The following WDR3 variants were observed in gnomAD, a reference collection of about 807,000 sequenced individuals.
WDR3 encodes the protein WD repeat-containing protein 3.
A neutral mutation model predicts 123.7 loss-of-function variants in WDR3; 81 were observed. The ratio of observed to expected loss-of-function variants is 0.65; its 90% CI spans 0.55 to 0.79. The LOEUF (loss-of-function observed/expected upper bound fraction) is 0.79, where lower values mean the gene tolerates loss of function less well. Among genes scored for constraint, WDR3 ranks in the 30% least tolerant of loss-of-function variants. WDR3 has a pLI of 0.00. For missense variants in WDR3, 1,027 were observed against 1,123.2 expected, an observed-to-expected ratio of 0.91 and a Z score of 1.22; for synonymous variants, 390 against 388.8, an observed-to-expected ratio of 1.00 and a Z score of -0.04.
intron 11 of WDR3, among the ~76,000 whole-genome samples, chr1:117,945,109 A>G (rs1045303790): frequency 1.3e-5 from 2 of 152,052 alleles, no homozygotes; most frequent in African/African-American, 4.8e-5. Flanking sequence ...CCACTACCCC[A>G]TTCAAACCAC....
At chr1:117,931,526 G>A (rs1007775699) in intron 1 of WDR3, among the ~76,000 whole-genome samples, 5 of 152,198 alleles carry the variant, frequency 3.3e-5, no homozygotes, top group Non-Finnish European at 5.9e-5. Context: ...CATGTTAAAT[G>A]TGAAACTATA....
At chr1:117,937,028 A>G (rs1441160873) in intron 4 of WDR3, 141 bp downstream of exon 4, 3 of 621,498 alleles carry the variant, frequency 4.8e-6, no homozygotes, top group Non-Finnish European at 8.4e-6. Flanking sequence ...CCTTCTTTCC[A>G]TTTCTTCTAA....
intron 21 of WDR3, 25 bp from the exon 22 acceptor site, chr1:117,953,982 T>G: frequency 6.3e-7 from 1 of 1,591,008 alleles, no homozygotes. Context: ...TTGTGATGAC[T>G]TCTTTCCTTT....
chr1:117,940,325 T>C (rs186272499), intron 6 of WDR3, among the ~76,000 whole-genome samples: 7 of 152,304 alleles, frequency 4.6e-5, no homozygotes, highest in Admixed American at 3.9e-4. Flanking sequence ...CAGTTTTTAA[T>C]AAGTTCTGAT....
In WDR3 at chr1:117,964,174, G is replaced by A; in HGVS notation, c.*4727G>A. ...TACATTTCTCTCCTAACTGTGACTG[G>A]CTTTCTATAAGGAGCCATCAGTATG... On this transcript the variant is annotated 3_prime_UTR_variant, in exon 27 of 27. Transcript: ENST00000349139. 2.9e-6 allele frequency: 1 copy of A among 349,430 alleles called. No individual in the cohort carries two copies. Among genetic ancestry groups the A allele is most frequent in the Non-Finnish European group, 5.3e-6 (1 of 190,008 alleles). 21.6% of individuals were successfully genotyped at this position (349,430 alleles called of 1,614,324 possible).
rs1651550812 is a variant in WDR3 at position 117,950,022 on chromosome 1, GCAACTAGA to G, written c.1639_1646del (p.Gln547Ter). 1 of 1,613,762 alleles carries G rather than the reference GCAACTAGA, an allele frequency of 6.2e-7. No homozygotes were observed. Among genetic ancestry groups the G allele is most frequent in the Non-Finnish European group, 8.5e-7 (1 of 1,179,896 alleles). On this transcript the variant is annotated frameshift_variant, in exon 15 of 27. Transcript: ENST00000349139. LOFTEE classifies it high-confidence loss of function. ...TTTCTGTGAAGCAAACCCGAACTTT[GCAACTAGA>G]TGAAGATGTTCTGTGTGTCAGTTAC...
rs1280060983 is a variant in WDR3, at chr1:117,950,061, C to G, written c.1677C>G (p.Pro559=). 6.2e-7 allele frequency: 1 copy of G among 1,613,784 alleles called. No homozygotes were observed. Among genetic ancestry groups the G allele is most frequent in the Non-Finnish European group, 8.5e-7 (1 of 1,179,928 alleles). The change falls in exon 15 of 27, where the codon CCC becomes CCG. Residue 559 remains proline (P), a synonymous_variant. Coordinates refer to ENST00000349139, the MANE Select transcript of WDR3 (RefSeq NM_006784.3). ...DEDVLCVSYS[P]NQKLLAVSLL... is the part of the protein sequence containing the mutation. Reference sequence around the variant, plus strand: ...ATGTTCTGTGTGTCAGTTACTCTCCCAATCAAAAGCTATTGGCTGTGTCTT... The same window carrying G: ...ATGTTCTGTGTGTCAGTTACTCTCCGAATCAAAAGCTATTGGCTGTGTCTT...
At chr1:117,957,971 CTTAT>C (rs888736470) in intron 25 of WDR3, among the ~76,000 whole-genome samples, 1 of 152,204 alleles carries the variant, frequency 6.6e-6, no homozygotes, top group Non-Finnish European at 1.5e-5. Context: ...TATATTCTTA[CTTAT>C]GAAGATTCTG....
chr1:117,942,069 G>T (rs1186071891), intron 9 of WDR3, among the ~76,000 whole-genome samples: 1 of 152,160 alleles, frequency 6.6e-6, no homozygotes, highest in Non-Finnish European at 1.5e-5. Context: ...ATTTAACATG[G>T]TTGGATTGTT....
At chr1:117,935,753 C>A (rs959470218) in intron 3 of WDR3, among the ~76,000 whole-genome samples, 2 of 151,734 alleles carry the variant, frequency 1.3e-5, no homozygotes, top group African/African-American at 2.4e-5. Context: ...TAGAAAAGGA[C>A]TTTATTAGCA....
chr1:117,933,757 A>G (rs1280880631), intron 2 of WDR3: 2 of 444,262 alleles, frequency 4.5e-6, no homozygotes, highest in East Asian at 4.9e-5. Context: ...ATTTGCAGTA[A>G]TTATTTATTC....
At chr1:117,957,961 T>C (rs1365502246) in intron 25 of WDR3, among the ~76,000 whole-genome samples, 2 of 152,252 alleles carry the variant, frequency 1.3e-5, no homozygotes, top group Admixed American at 6.5e-5. Context: ...TTCATTAGGC[T>C]ATATTCTTAC....
Position 117,952,512 on chromosome 1 carries a change from T to A in WDR3, c.2017-16T>A, listed in dbSNP as rs1651664004. Reference sequence around the variant, plus strand: ...TCAATGAATGAGGTATTCTTTATTTTTTTTTTCTCCTCCAGGGTCATCACC... The same window carrying A: ...TCAATGAATGAGGTATTCTTTATTTATTTTTTCTCCTCCAGGGTCATCACC... On this transcript the variant is annotated splice_polypyrimidine_tract_variant and intron_variant, in intron 18 of 26. Coordinates refer to ENST00000349139, the MANE Select transcript of WDR3 (RefSeq NM_006784.3). 3 of 1,597,440 alleles carry A rather than the reference T, an allele frequency of 1.9e-6. No homozygotes were observed. The highest frequency in any genetic ancestry group is 1.1e-5 in the South Asian group (1 of 87,236).
rs1653471638 is a variant in WDR3, at chr1:117,964,025, C to A, written c.*4578C>A. The A allele has an allele frequency of 6.9e-7, 1 of 1,446,484 alleles. No homozygotes were observed. Among genetic ancestry groups the A allele is most frequent in the African/African-American group, 1.4e-5 (1 of 70,530 alleles). The allele number at this position is 1,446,484 out of a possible 1,614,324, so 89.6% of individuals were successfully genotyped here. ...ATAACATTTTAGAATCATAGAATTT[C>A]TTCTCTGGCAACATCAGTTCAATTT... On this transcript the variant is annotated 3_prime_UTR_variant, in exon 27 of 27. Coordinates refer to ENST00000349139, the MANE Select transcript of WDR3 (RefSeq NM_006784.3).
At chr1:117,954,513 C>T (rs1055301870) in intron 22 of WDR3, 67 bp from the exon 23 acceptor site, 4 of 1,435,856 alleles carry the variant, frequency 2.8e-6, no homozygotes, top group Non-Finnish European at 3.9e-6. Flanking sequence ...AGTTACCACT[C>T]TGTCTATAAC....
At chr1:117,944,077 C>T (rs1651281382) in intron 11 of WDR3, among the ~76,000 whole-genome samples, 1 of 152,114 alleles carries the variant, frequency 6.6e-6, no homozygotes, top group African/African-American at 2.4e-5. Flanking sequence ...CCTCTCTCAC[C>T]CCTGCATTGC....
chr1:117,933,370 C>A lies in WDR3; in HGVS notation c.51C>A (p.Gly17=). 1 of 1,614,118 alleles carries A rather than the reference C, an allele frequency of 6.2e-7. No homozygotes were observed. The highest frequency in any genetic ancestry group is 8.5e-7 in the Non-Finnish European group (1 of 1,180,016). ...GCTATGTTGCTAGTGCGGTCTTTGG[C>A]GTTATCGGCAGCCAAAAAGGTAATA... The part of the protein sequence containing the change: ...YLRYVASAVF[G]VIGSQKGNIV... The change falls in exon 2 of 27, where the codon GGC becomes GGA. Residue 17 remains glycine (G), a synonymous_variant. Transcript: ENST00000349139.
chr1:117,956,035 G>A (rs1189631107), intron 24 of WDR3, among the ~76,000 whole-genome samples: 2 of 152,178 alleles, frequency 1.3e-5, no homozygotes, highest in South Asian at 2.1e-4. Flanking sequence ...TGTTGCCAGT[G>A]TGTGAGCCAA....
intron 12 of WDR3, 35 bp from the exon 13 acceptor site, chr1:117,948,370 T>C (rs750900673): frequency 6.3e-7 from 1 of 1,583,284 alleles, no homozygotes; most frequent in Non-Finnish European, 8.7e-7. Flanking sequence ...TGTACGTATG[T>C]TCATTGGAGC....
Sources: allele counts gnomAD v4.1 joint callset (sites outside exome capture counted in the v4.1 genomes callset), GRCh38; gene constraint gnomAD v4.1.1; transcripts MANE v1.5; gene names NCBI Gene and HGNC (gene_info 2026-07-23, HGNC 2026-07-21).